The following AASDH variants were observed in gnomAD, a reference collection of about 807,000 sequenced individuals.
AASDH encodes the protein aminoadipate-semialdehyde dehydrogenase.
In AASDH, 81 loss-of-function variants were observed where a neutral mutation model predicts 102.3. The ratio of observed to expected loss-of-function variants is 0.79; its 90% CI spans 0.66 to 0.95. AASDH has a LOEUF of 0.95. Among genes scored for constraint, AASDH ranks in the 40% least tolerant of loss-of-function variants. The pLI is 0.00. For synonymous variants in AASDH, 398 were observed against 454.0 expected (o/e 0.88, Z 1.57); for missense variants, 1,203 against 1,266.2 (o/e 0.95, Z 0.76).
rs191494339 is a variant in AASDH at position 56,365,732 on chromosome 4, A to C, written c.861+5719T>G. 5.7e-3 allele frequency among the ~76,000 whole-genome samples: 865 copies of C among 152,296 alleles called. 9 individuals are homozygous for C. Among genetic ancestry groups the C allele is most frequent in the African/African-American group, 0.018 (739 of 41,534 alleles). Reference sequence around the variant, plus strand: ...CGCATTCAAAGCAGTGTGTAGAGGGAAATTTATAGCACTAAATGCCCACAA... The same window carrying C: ...CGCATTCAAAGCAGTGTGTAGAGGGCAATTTATAGCACTAAATGCCCACAA... On this transcript the variant is annotated intron_variant, in intron 5 of 14. Transcript: ENST00000205214.
At chr4:56,356,183 G>GT in intron 5 of AASDH, 1 of 727,910 alleles carries the variant, frequency 1.4e-6, no homozygotes, top group Non-Finnish European at 2.5e-6. Flanking sequence ...GGCCCCTGCT[G>GT]TTGTGAAGAA....
chr4:56,362,709 C>T (rs1250709026), intron 5 of AASDH, among the ~76,000 whole-genome samples: 1 of 152,120 alleles, frequency 6.6e-6, no homozygotes, highest in Non-Finnish European at 1.5e-5. Flanking sequence ...ACTTATATAT[C>T]ATTTGAAAGA....
chr4:56,342,482 A>G (rs1747818872), intron 14 of AASDH, among the ~76,000 whole-genome samples: 1 of 152,138 alleles, frequency 6.6e-6, no homozygotes, highest in South Asian at 2.1e-4. Context: ...TAATCTCAAT[A>G]GAAGTTATAA....
Position 56,349,260 on chromosome 4 carries a change from T to TA in AASDH, c.2488+2dup. ...TCCACAAACCTCAAATTCAAAAACT[T>TA]ACCCACCACAATAAAGTTTCCACAC... On this transcript the variant is annotated splice_region_variant and intron_variant, in intron 11 of 14. Coordinates refer to ENST00000205214, the MANE Select transcript of AASDH (RefSeq NM_181806.4). The TA allele has an allele frequency of 6.2e-7, 1 of 1,613,396 alleles. No individual in the cohort carries two copies. The highest frequency in any genetic ancestry group is 8.5e-7 in the Non-Finnish European group (1 of 1,179,654).
At chr4:56,338,936 A>AAAAGT (rs2109830059) in intron 14 of AASDH, 145 bp from the exon 15 acceptor site, 1 of 783,584 alleles carries the variant, frequency 1.3e-6, no homozygotes, top group South Asian at 1.9e-5. Context: ...GCTTTTTCTG[A>AAAAGT]AAAGTAGCAC....
intron 4 of AASDH, among the ~76,000 whole-genome samples, chr4:56,375,780 C>T (rs1421035798): frequency 1.3e-5 from 2 of 152,120 alleles, no homozygotes; most frequent in Non-Finnish European, 1.5e-5. Flanking sequence ...AAAGTTAAAA[C>T]CTACTGGCTT....
Position 56,344,740 on chromosome 4 carries a change from T to C in AASDH, c.2652+387A>G, listed in dbSNP as rs577974691. Reference sequence around the variant, plus strand: ...GAGTAGCACACTTATTTGTGGTAAATTTGGTAATGAAGTTAAAAAGGTCTT... The same window carrying C: ...GAGTAGCACACTTATTTGTGGTAAACTTGGTAATGAAGTTAAAAAGGTCTT... On this transcript the variant is annotated intron_variant, in intron 12 of 14. Coordinates refer to ENST00000205214, the MANE Select transcript of AASDH (RefSeq NM_181806.4). Among the ~76,000 whole-genome samples the C allele has an allele frequency of 9.9e-5, 15 of 152,204 alleles. No homozygotes were observed. The South Asian group carries it at 2.9e-3, about 29-fold the overall frequency.
chr4:56,357,345 G>A (rs1412539218), intron 5 of AASDH, among the ~76,000 whole-genome samples: 1 of 152,004 alleles, frequency 6.6e-6, no homozygotes, highest in African/African-American at 2.4e-5. Flanking sequence ...GCAACCTCAG[G>A]CTTCTTTTAT....
At chr4:56,358,925 A>C (rs1041117432) in intron 5 of AASDH, among the ~76,000 whole-genome samples, 1 of 152,190 alleles carries the variant, frequency 6.6e-6, no homozygotes, top group Non-Finnish European at 1.5e-5. Context: ...CCAACCATTG[A>C]GTTGTCTACT....
chr4:56,370,074 C>T (rs1034643834), intron 5 of AASDH, among the ~76,000 whole-genome samples: 1 of 151,830 alleles, frequency 6.6e-6, no homozygotes, highest in Non-Finnish European at 1.5e-5. Context: ...TGTTGAAATC[C>T]TAACTCTCAG....
chr4:56,365,311 G>A (rs888853249), intron 5 of AASDH, among the ~76,000 whole-genome samples: 2 of 151,690 alleles, frequency 1.3e-5, no homozygotes, highest in Non-Finnish European at 2.9e-5. Flanking sequence ...ACAGATCACC[G>A]AGACAGAAAG....
chr4:56,382,952 G>T (rs1753149939), intron 2 of AASDH, among the ~76,000 whole-genome samples: 1 of 152,208 alleles, frequency 6.6e-6, no homozygotes, highest in Admixed American at 6.5e-5. Flanking sequence ...AGCTACTTGG[G>T]AGGTTGAAGC....
intron 1 of AASDH, among the ~76,000 whole-genome samples, chr4:56,385,429 C>T (rs982301250): frequency 1.3e-5 from 2 of 152,016 alleles, no homozygotes; most frequent in Non-Finnish European, 2.9e-5. Context: ...TTTCTTAATG[C>T]AGATTATATT....
intron 5 of AASDH, among the ~76,000 whole-genome samples, chr4:56,367,872 T>G (rs1313339510): frequency 6.6e-6 from 1 of 150,810 alleles, no homozygotes; most frequent in East Asian, 1.9e-4. Flanking sequence ...ACAAATGGGA[T>G]CTCATTAAAC....
At chr4:56,346,164 CAGG>C (rs931098241) in intron 11 of AASDH, among the ~76,000 whole-genome samples, 2 of 152,178 alleles carry the variant, frequency 1.3e-5, no homozygotes, top group African/African-American at 4.8e-5. Context: ...TCATGAAAAT[CAGG>C]AGAAGTAGAA....
chr4:56,351,320 T>C, intron 10 of AASDH, 22 bp downstream of exon 10: 1 of 1,426,574 alleles, frequency 7.0e-7, no homozygotes, highest in Non-Finnish European at 9.8e-7. Context: ...ATAATAATAA[T>C]TTTATAACTT....
In AASDH at chr4:56,344,823, T is replaced by C. The variant is rs1748128471; in HGVS notation, c.2652+304A>G. 2.0e-5 allele frequency among the ~76,000 whole-genome samples: 3 copies of C among 152,270 alleles called. No homozygotes were observed. In the South Asian group the frequency reaches 6.2e-4, roughly 32 times the overall value. On this transcript the variant is annotated intron_variant, in intron 12 of 14. Coordinates refer to ENST00000205214, the MANE Select transcript of AASDH (RefSeq NM_181806.4). ...TCCCAGACCACACAAGCTTGGGAAA[T>C]AGTTAATACCTGTTCCAAGGCTCAA... is the stretch of plus-strand genomic sequence containing the variant.
intron 5 of AASDH, among the ~76,000 whole-genome samples, chr4:56,369,653 G>C (rs887080978): frequency 6.6e-6 from 1 of 152,304 alleles, no homozygotes; most frequent in East Asian, 1.9e-4. Context: ...GAAGGTGGGC[G>C]TGGTGGCTCA....
intron 14 of AASDH, 122 bp from the exon 15 acceptor site, chr4:56,338,913 C>A: frequency 1.0e-6 from 1 of 993,356 alleles, no homozygotes; most frequent in Non-Finnish European, 1.4e-6. Flanking sequence ...GGTAACTATA[C>A]ACAGACAAAA....
Sources: allele counts gnomAD v4.1 joint callset (sites outside exome capture counted in the v4.1 genomes callset), GRCh38; gene constraint gnomAD v4.1.1; transcripts MANE v1.5; gene names NCBI Gene and HGNC (gene_info 2026-07-23, HGNC 2026-07-21).